Variants in ZCWPW2 observed in about 807,000 individuals in gnomAD.
The protein encoded by ZCWPW2 is zinc finger CW-type PWWP domain protein 2.
Under a neutral mutation model 46.6 loss-of-function variants are expected in ZCWPW2, and 45 were observed. That is an observed-to-expected ratio of 0.96 (90% CI 0.76 to 1.24). The LOEUF (loss-of-function observed/expected upper bound fraction) is 1.24. Among genes scored for constraint, ZCWPW2 ranks in the 50% most tolerant of loss-of-function variants. ZCWPW2 has a pLI of 0.00. For synonymous variants in ZCWPW2, 152 were observed against 137.1 expected (o/e 1.11, Z -0.76); for missense variants, 429 against 403.9 (o/e 1.06, Z -0.53).
intron 5 of ZCWPW2, 25 bp from the exon 6 acceptor site, chr3:28,492,102 G>A: frequency 6.2e-7 from 1 of 1,604,572 alleles, no homozygotes; most frequent in East Asian, 2.3e-5. Flanking sequence ...CTTTTTTGAA[G>A]CAGCCATGTT....
At chr3:28,455,486 T>C (rs1446251038) in intron 4 of ZCWPW2, among the ~76,000 whole-genome samples, 1 of 152,242 alleles carries the variant, frequency 6.6e-6, no homozygotes, top group Non-Finnish European at 1.5e-5. Flanking sequence ...CTCTTTAGTT[T>C]AACTAGATCC....
At chr3:28,457,176 G>A (rs1394352066) in intron 4 of ZCWPW2, among the ~76,000 whole-genome samples, 2 of 152,164 alleles carry the variant, frequency 1.3e-5, no homozygotes, top group African/African-American at 4.8e-5. Context: ...GACTAAACTA[G>A]TTTTGAAAAT....
chr3:28,435,168 G>T lies in ZCWPW2; in HGVS notation c.391G>T (p.Asp131Tyr), dbSNP rs1290675998. The change falls in exon 4 of 10, where the codon GAT becomes TAT. Residue 131 changes from aspartate to tyrosine, a missense_variant. By Grantham distance (160) the Asp-to-Tyr change is radical. Transcript: ENST00000383768. ...FKGKYVTYDPDGNVEEYHIEF... is the reference protein window; with the variant it reads ...FKGKYVTYDPYGNVEEYHIEF... Reference sequence around the variant, plus strand: ...AGGGAAATATGTAACTTATGACCCGGATGGAAATGTTGAAGAGTATCACAT... The same window carrying T: ...AGGGAAATATGTAACTTATGACCCGTATGGAAATGTTGAAGAGTATCACAT... The T allele has an allele frequency of 6.2e-7, 1 of 1,613,642 alleles. No homozygotes were observed. Among genetic ancestry groups the T allele is most frequent in the South Asian group, 1.1e-5 (1 of 90,950 alleles).
intron 1 of ZCWPW2, among the ~76,000 whole-genome samples, chr3:28,381,557 G>T (rs553351302): frequency 8.5e-4 from 129 of 152,014 alleles, no homozygotes; most frequent in Non-Finnish European, 1.1e-3. Flanking sequence ...TTATTCAAGG[G>T]TCAACTGCGT....
rs1007120256 is a variant in ZCWPW2 at position 28,469,686 on chromosome 3, G to GTA, written c.493-9118_493-9117dup. Among the ~76,000 whole-genome samples, 269 of 150,462 alleles carry GTA rather than the reference G, an allele frequency of 1.8e-3. 1 individual carries two copies. The highest frequency in any genetic ancestry group is 6.1e-3 in the African/African-American group (250 of 41,046). Reference sequence around the variant, plus strand: ...AAGAGGATATAACAGTTGTAAATATGTATATATATATGCATGTATATGTGT... The same window carrying GTA: ...AAGAGGATATAACAGTTGTAAATATGTATATATATATATGCATGTATATGTGT... On this transcript the variant is annotated intron_variant, in intron 4 of 9. Coordinates refer to ENST00000383768, the MANE Select transcript of ZCWPW2 (RefSeq NM_001040432.4).
At position 28,486,780 on chromosome 3, in the gene ZCWPW2, C is replaced by T. The variant is rs145476538; in HGVS notation, c.611-5347C>T. Among the ~76,000 whole-genome samples the T allele has an allele frequency of 4.6e-5, 7 of 151,770 alleles. No homozygotes were observed. The East Asian group carries it at 7.8e-4, about 17-fold the overall frequency. On this transcript the variant is annotated intron_variant, in intron 5 of 9. Coordinates refer to ENST00000383768, the MANE Select transcript of ZCWPW2 (RefSeq NM_001040432.4). ...TATGCAGGAGACTGAGTGGGAGGAT[C>T]GCTTGAGCCTGGGAGGTCGAGGCTG... is the stretch of plus-strand genomic sequence containing the variant.
intron 8 of ZCWPW2, among the ~76,000 whole-genome samples, chr3:28,516,712 T>TA (rs1700583414): frequency 6.6e-6 from 1 of 151,984 alleles, no homozygotes; most frequent in East Asian, 1.9e-4. Flanking sequence ...GTAGTCTTAT[T>TA]AAAAGAAAGG....
chr3:28,469,668 T>C (rs943914912), intron 4 of ZCWPW2, among the ~76,000 whole-genome samples: 3 of 151,728 alleles, frequency 2.0e-5, no homozygotes, highest in African/African-American at 7.3e-5. Context: ...ATCAAGAGGA[T>C]ATAACAGTTG....
intron 1 of ZCWPW2, among the ~76,000 whole-genome samples, chr3:28,366,847 C>T (rs1258636079): frequency 7.2e-5 from 11 of 152,136 alleles, no homozygotes; most frequent in Non-Finnish European, 1.6e-4. Context: ...TTCAGGGATT[C>T]AACTTCTTCC....
intron 5 of ZCWPW2, among the ~76,000 whole-genome samples, chr3:28,480,449 T>C (rs1186168934): frequency 6.6e-6 from 1 of 152,254 alleles, no homozygotes. Flanking sequence ...TCCCTATAGA[T>C]GGTGGATATT....
At position 28,365,627 on chromosome 3, in the gene ZCWPW2, C is replaced by T. The variant is rs1168045813; in HGVS notation, c.-134+16424C>T. On this transcript the variant is annotated intron_variant, in intron 1 of 9. Coordinates refer to ENST00000383768, the MANE Select transcript of ZCWPW2 (RefSeq NM_001040432.4). ...TTGGCTTAGGATTGACTTGGCAATG[C>T]GGGCTCTTCTTTGGTTCCATATGAA... Among the ~76,000 whole-genome samples the T allele has an allele frequency of 4.4e-4, 62 of 140,938 alleles. 5 individuals are homozygous for T. The highest frequency in any genetic ancestry group is 1.4e-3 in the African/African-American group (55 of 39,640). The allele number at this position is 140,938 out of a possible 152,430, so 92.5% of individuals were successfully genotyped here.
At chr3:28,473,028 G>A (rs1332209004) in intron 4 of ZCWPW2, among the ~76,000 whole-genome samples, 1 of 152,116 alleles carries the variant, frequency 6.6e-6, no homozygotes, top group Non-Finnish European at 1.5e-5. Context: ...ACTACAATGA[G>A]ATATTATTTT....
rs193284855 is a variant in ZCWPW2 at position 28,520,043 on chromosome 3, C to T, written c.785-949C>T. ...TTTTTGAAATGGAGTCTTCCTCTGT[C>T]GCCCAAGCTGGAGTGCAGTGGTGTG... On this transcript the variant is annotated intron_variant, in intron 8 of 9. Coordinates refer to ENST00000383768, the MANE Select transcript of ZCWPW2 (RefSeq NM_001040432.4). Among the ~76,000 whole-genome samples the T allele has an allele frequency of 8.5e-3, 1,163 of 136,670 alleles. 15 individuals are homozygous for T. Among genetic ancestry groups the T allele is most frequent in the African/African-American group, 0.03 (1,106 of 36,316 alleles). The allele number at this position is 136,670 out of a possible 152,430, so 89.7% of individuals were successfully genotyped here. A position where few individuals can be genotyped will look rare whatever the true frequency, so the allele number is the denominator to read the frequency against.
chr3:28,411,913 G>A (rs1315634857), intron 2 of ZCWPW2, among the ~76,000 whole-genome samples: 4 of 151,982 alleles, frequency 2.6e-5, no homozygotes, highest in Non-Finnish European at 5.9e-5. Flanking sequence ...CTATGTATTG[G>A]TTGGTCTTTT....
At chr3:28,508,887 G>A (rs1392174492) in intron 6 of ZCWPW2, among the ~76,000 whole-genome samples, 3 of 151,998 alleles carry the variant, frequency 2.0e-5, no homozygotes, top group South Asian at 2.1e-4. Context: ...GATTTAATTT[G>A]TATATCATAC....
chr3:28,368,105 C>G (rs1016782821), intron 1 of ZCWPW2, among the ~76,000 whole-genome samples: 2 of 152,062 alleles, frequency 1.3e-5, no homozygotes, highest in South Asian at 2.1e-4. Context: ...ATCCAATTTG[C>G]CAGTCTGTGT....
In ZCWPW2 at chr3:28,526,015, T is replaced by A. The variant is rs140751205; in HGVS notation, c.*1327T>A. ...CCAGATCCCATGCCATTGATTATCA[T>A]CTATAATGTCTTGATGAAGCTTTTA... is the stretch of plus-strand genomic sequence containing the variant. On this transcript the variant is annotated 3_prime_UTR_variant, in exon 10 of 10. Transcript: ENST00000383768. Among the ~76,000 whole-genome samples, 531 of 152,236 alleles carry A rather than the reference T, an allele frequency of 3.5e-3. 2 individuals carry two copies. The highest frequency in any genetic ancestry group is 6.8e-3 in the Middle Eastern group (2 of 294).
chr3:28,442,548 G>A (rs1575140326), intron 4 of ZCWPW2, among the ~76,000 whole-genome samples: 2 of 152,188 alleles, frequency 1.3e-5, no homozygotes, highest in African/African-American at 4.8e-5. Context: ...TACCCTTGAG[G>A]TGCGACAGTA....
rs1698338658 is a variant in ZCWPW2, at chr3:28,454,097, G to A, written c.492+18828G>A. ...CTGACCTCGTGATCCGCCCGCCTCG[G>A]CCTCCCAAAGTGCTGGGATTACAGG... On this transcript the variant is annotated intron_variant, in intron 4 of 9. Transcript: ENST00000383768. Among the ~76,000 whole-genome samples the A allele has an allele frequency of 3.3e-5, 5 of 152,104 alleles. No individual in the cohort carries two copies. The South Asian group carries it at 1.0e-3, about 32-fold the overall frequency.
Sources: gnomAD v4.1 joint callset for allele counts (sites outside exome capture counted in the v4.1 genomes callset) on GRCh38, gnomAD v4.1.1 for gene constraint, MANE v1.5 for transcripts, NCBI Gene and HGNC (gene_info 2026-07-23, HGNC 2026-07-21) for gene names.